Variants in EPG5 observed in about 807,000 individuals in gnomAD.
EPG5 encodes ectopic P-granules 5 autophagy tethering factor, also known as ectopic P granules protein 5 homolog.
EPG5 carries 159 observed loss-of-function variants against 302.7 expected under a neutral mutation model. That is an observed-to-expected ratio of 0.53 (90% CI 0.46 to 0.60). The LOEUF is 0.60. EPG5 is among the 20% of genes least tolerant of loss of function. The pLI is 0.00. For synonymous variants in EPG5, 1,158 were observed against 1,136.8 expected, an observed-to-expected ratio of 1.02 and a Z score of -0.37; for missense variants, 2,896 against 3,092.4, an observed-to-expected ratio of 0.94 and a Z score of 1.51.
the EPG5 span, among the ~76,000 whole-genome samples, chr18:45,808,355 T>C: frequency 6.6e-6 from 1 of 152,186 alleles, no homozygotes; most frequent in East Asian, 1.9e-4. Context: ...GATCTAGACA[T>C]CCAAATACAA....
chr18:45,817,530 G>A, the EPG5 span, among the ~76,000 whole-genome samples: 2 of 152,224 alleles, frequency 1.3e-5, no homozygotes, highest in Admixed American at 1.3e-4. Context: ...TGAGGTTGCA[G>A]CTAAGATGTC....
In EPG5 at chr18:45,910,570, C is replaced by G; in HGVS notation, c.4156G>C (p.Gly1386Arg). The stretch of plus-strand genomic sequence containing the variant: ...GGTGAAGTCAGGTAACCAGGGGTGC[C>G]AGAGTGGCTCTCTGGCAGCCCTTCA... ...GSEGLPESHS[G>R]TPGYLTSPEL... Residue 1386 changes from glycine to arginine, a missense_variant, in exon 23 of 44, where the codon GGC becomes CGC. Gly to Arg is a moderately radical substitution (Grantham distance 125). This residue lies in a region of EPG5 where 790 missense variants were observed against 798.0 expected (regional missense o/e 0.99). Coordinates refer to ENST00000282041, the MANE Select transcript of EPG5 (RefSeq NM_020964.3). 1 of 1,613,758 alleles carries G rather than the reference C, an allele frequency of 6.2e-7. No individual in the cohort carries two copies. The highest frequency in any genetic ancestry group is 8.5e-7 in the Non-Finnish European group (1 of 1,179,940).
At chr18:45,857,099 G>GTTTATTTA (rs72476881) in intron 42 of EPG5, among the ~76,000 whole-genome samples, 27 of 150,532 alleles carry the variant, frequency 1.8e-4, no homozygotes, top group South Asian at 8.5e-4. Context: ...TTATATTTGT[G>GTTTATTTA]TTTATTTATT....
chr18:45,856,871 C>G (rs2048525680), intron 42 of EPG5, among the ~76,000 whole-genome samples: 1 of 152,158 alleles, frequency 6.6e-6, no homozygotes, highest in Non-Finnish European at 1.5e-5. Flanking sequence ...AACAAAAATC[C>G]AGACTTGCTT....
chr18:45,865,632 A>G lies in EPG5; in HGVS notation c.6749T>C (p.Ile2250Thr), dbSNP rs1383445556. 1 of 1,614,014 alleles carries G rather than the reference A, an allele frequency of 6.2e-7. No individual in the cohort carries two copies. Among genetic ancestry groups the G allele is most frequent in the Non-Finnish European group, 8.5e-7 (1 of 1,179,994 alleles). ...QEMSKLLDDI[I>T]VFNPPDMDSQ... is the part of the protein sequence containing the mutation. ...TCACTTACCGGGCGGGTTAAAGACA[A>G]TGATATCGTCTAAGAGCTTAGACAT... The change falls in exon 39 of 44, where the codon ATT becomes ACT. Residue 2250 changes from isoleucine to threonine, a missense_variant. This residue lies in a region of EPG5 where 620 missense variants were observed against 704.2 expected (regional missense o/e 0.88). Coordinates refer to ENST00000282041, the MANE Select transcript of EPG5 (RefSeq NM_020964.3).
chr18:45,966,436 G>GTATATATGTATATATGTGTACATATGTA (rs1280550214), intron 1 of EPG5, among the ~76,000 whole-genome samples: 1 of 141,596 alleles, frequency 7.1e-6, no homozygotes, highest in East Asian at 1.9e-4. Flanking sequence ...ATATATGTAC[G>GTATATATGTATATATGTGTACATATGTA]TATATATGTA....
At chr18:45,802,652 T>G in the EPG5 span, among the ~76,000 whole-genome samples, 1 of 152,166 alleles carries the variant, frequency 6.6e-6, no homozygotes, top group Non-Finnish European at 1.5e-5. Flanking sequence ...CCAATACCTT[T>G]CCCCACACTG....
the EPG5 span, among the ~76,000 whole-genome samples, chr18:45,830,752 A>ATTTTTTTTTTTT: frequency 6.7e-4 from 79 of 118,084 alleles, no homozygotes; most frequent in African/African-American, 1.8e-3. Flanking sequence ...TGCCAGGCTA[A>ATTTTTTTTTTTT]TTTTTTTTTT....
At chr18:45,869,825 AG>A (rs1339707382) in intron 36 of EPG5, among the ~76,000 whole-genome samples, 1 of 152,100 alleles carries the variant, frequency 6.6e-6, no homozygotes. Flanking sequence ...AAAGCACTTA[AG>A]GTGTCTCAAC....
chr18:45,874,783 C>G (rs1031520294), intron 35 of EPG5, among the ~76,000 whole-genome samples: 2 of 152,164 alleles, frequency 1.3e-5, no homozygotes, highest in Non-Finnish European at 2.9e-5. Flanking sequence ...AACTAAATGC[C>G]ACACAAACAC....
intron 28 of EPG5, among the ~76,000 whole-genome samples, 190 bp from the exon 29 acceptor site, chr18:45,888,097 C>T (rs1216491587): frequency 6.9e-6 from 1 of 145,488 alleles, no homozygotes; most frequent in Non-Finnish European, 1.5e-5. Context: ...AACTGATTTT[C>T]TTTTTTTTTT....
chr18:45,952,821 G>C (rs2050941881), intron 2 of EPG5, among the ~76,000 whole-genome samples, 178 bp from the exon 3 acceptor site: 1 of 152,184 alleles, frequency 6.6e-6, no homozygotes, highest in African/African-American at 2.4e-5. Context: ...CAGGTGCAAA[G>C]GAACAGAAGG....
At chr18:45,927,481 G>T (rs999752977) in intron 13 of EPG5, among the ~76,000 whole-genome samples, 2 of 151,996 alleles carry the variant, frequency 1.3e-5, no homozygotes, top group Admixed American at 1.3e-4. Flanking sequence ...TGAAAGCAAG[G>T]CCCGAAAGAG....
At chr18:45,855,399 A>T (rs908520679) in intron 43 of EPG5, 174 bp downstream of exon 43, 8 of 547,616 alleles carry the variant, frequency 1.5e-5, no homozygotes, top group African/African-American at 1.3e-4. Flanking sequence ...GCCTACAAAA[A>T]TTTGGAGGTT....
downstream of EPG5, among the ~76,000 whole-genome samples, chr18:45,845,009 G>C (rs1197015677): frequency 6.6e-6 from 1 of 152,188 alleles, no homozygotes; most frequent in Non-Finnish European, 1.5e-5. Flanking sequence ...TCATTTTACA[G>C]TCCGTATTCA....
chr18:45,833,142 T>C, the EPG5 span, among the ~76,000 whole-genome samples: 2 of 152,048 alleles, frequency 1.3e-5, no homozygotes, highest in Non-Finnish European at 2.9e-5. Flanking sequence ...CACTGGAGCA[T>C]ACAGGTAAAG....
At chr18:45,836,961 A>G in the EPG5 span, 5 of 849,712 alleles carry the variant, frequency 5.9e-6, no homozygotes, top group Non-Finnish European at 1.0e-5. Flanking sequence ...GTGTGACTTC[A>G]GTTACTCAAC....
At chr18:45,957,179 T>C (rs28483450) in intron 1 of EPG5, among the ~76,000 whole-genome samples, 4,943 of 152,128 alleles carry the variant, frequency 0.032, 230 homozygotes, top group African/African-American at 0.11. Context: ...AGGGCCTTTA[T>C]ATATTAAAAA....
intron 1 of EPG5, among the ~76,000 whole-genome samples, chr18:45,963,551 G>A (rs548489775): frequency 2.4e-4 from 36 of 152,248 alleles, no homozygotes; most frequent in African/African-American, 8.4e-4. Context: ...CTGGAGAATC[G>A]CTTGAACCAA....
Sources: allele counts gnomAD v4.1 joint callset (sites outside exome capture counted in the v4.1 genomes callset), GRCh38; gene constraint gnomAD v4.1.1; regional missense constraint gnomAD v4.1.1; transcripts MANE v1.5; gene names NCBI Gene and HGNC (gene_info 2026-07-23, HGNC 2026-07-21).